STX1A: variants seen among roughly 807,000 people sequenced by gnomAD.
STX1A encodes the protein syntaxin 1A.
In STX1A, 4 loss-of-function variants were observed where a neutral mutation model predicts 37.8. That is an observed-to-expected ratio of 0.11 (90% CI 0.05 to 0.24). The LOEUF is 0.24. Among genes scored for constraint, STX1A ranks in the 10% least tolerant of loss-of-function variants. The probability of loss-of-function intolerance (pLI) is 1.00; values close to 1 mark genes in which losing one functional copy is unlikely to be tolerated. For synonymous variants in STX1A, 135 were observed against 147.4 expected (o/e 0.92, Z 0.61); for missense variants, 251 against 399.9 (o/e 0.63, Z 3.18).
intron 3 of STX1A, 62 bp downstream of exon 3, chr7:73,708,527 G>A (rs949287373): frequency 1.8e-4 from 270 of 1,518,026 alleles, no homozygotes; most frequent in Non-Finnish European, 1.9e-4. Flanking sequence ...AGGCCTCCCT[G>A]GCAGCAGCCC....
rs938670401 is a variant in STX1A, at chr7:73,700,205, G to C, written c.*202C>G. On this transcript the variant is annotated 3_prime_UTR_variant, in exon 10 of 10. Coordinates refer to ENST00000222812, the MANE Select transcript of STX1A (RefSeq NM_004603.4). This position sits in a 1 kb window ranked among gnomAD's most constrained non-coding sequence, Gnocchi z 4.4. Reference sequence around the variant, plus strand: ...TGGCTGCCTCCCTCTGCCTCTTCCCGTACAGACGCACACTCACAGAGATCA... The same window carrying C: ...TGGCTGCCTCCCTCTGCCTCTTCCCCTACAGACGCACACTCACAGAGATCA... 4.8e-6 allele frequency: 3 copies of C among 620,620 alleles called. No individual in the cohort carries two copies. Among genetic ancestry groups the C allele is most frequent in the African/African-American group, 3.7e-5 (2 of 54,550 alleles). The allele number at this position is 620,620 out of a possible 1,614,324, so 38.4% of individuals were successfully genotyped here.
At position 73,700,891 on chromosome 7, in the gene STX1A, G is replaced by C. The variant is rs1333932471; in HGVS notation, c.679-51C>G. 2.5e-6 allele frequency: 4 copies of C among 1,606,998 alleles called. No homozygotes were observed. The highest frequency in any genetic ancestry group is 2.2e-5 in the East Asian group (1 of 44,842). On this transcript the variant is annotated intron_variant, in intron 8 of 9. Transcript: ENST00000222812. The surrounding 1 kb of genome is among the most constrained non-coding windows in gnomAD (Gnocchi z 4.4). Reference sequence around the variant, plus strand: ...CCAGAGGGCCCCCTCCTCAGGGTTGGGTTGGGGCTCGGGGCAGGACTTCAG... The same window carrying C: ...CCAGAGGGCCCCCTCCTCAGGGTTGCGTTGGGGCTCGGGGCAGGACTTCAG...
At chr7:73,707,884 G>A (rs1489101836) in intron 3 of STX1A, among the ~76,000 whole-genome samples, 35 of 149,656 alleles carry the variant, frequency 2.3e-4, no homozygotes, top group Non-Finnish European at 1.5e-5. Context: ...GCAGTGAGCC[G>A]AGATGGCACC....
intron 3 of STX1A, among the ~76,000 whole-genome samples, chr7:73,707,832 G>GC (rs1322811320): frequency 6.6e-6 from 1 of 151,794 alleles, no homozygotes; most frequent in Non-Finnish European, 1.5e-5. Context: ...CTACTTGGGA[G>GC]GCTGACGTAG....
rs946893140 is a variant in STX1A at position 73,705,386 on chromosome 7, A to T, written c.209-162T>A. 1.6e-6 allele frequency: 1 copy of T among 616,896 alleles called. No homozygotes were observed. Among genetic ancestry groups the T allele is most frequent in the South Asian group, 1.9e-5 (1 of 53,900 alleles). 38.2% of individuals were successfully genotyped at this position (616,896 alleles called of 1,614,324 possible). ...TCTGCCTGCCCGCCCCCCTCCCCCA[A>T]TTCTGGGCCAGGGCTGCACCAGCTG... On this transcript the variant is annotated intron_variant, in intron 3 of 9. Coordinates refer to ENST00000222812, the MANE Select transcript of STX1A (RefSeq NM_004603.4). This position sits in a 1 kb window ranked among gnomAD's most constrained non-coding sequence, Gnocchi z 5.2.
intron 8 of STX1A, chr7:73,701,065 G>GGCCA: frequency 1.2e-6 from 1 of 811,136 alleles, no homozygotes; most frequent in Middle Eastern, 3.7e-4. Flanking sequence ...CAGCAATCCT[G>GGCCA]GGGGTGGAGC....
rs140627906 is a variant in STX1A at position 73,705,193 on chromosome 7, G to A, written c.240C>T (p.Ser80=). ...CTTTGTTTGCTGTCTTCTTTATGTC[G>A]GACATGAGTTCTTCCAGCTCCTCCT... ...KTKEELEELM[S]DIKKTANKVR... is the part of the protein sequence containing the mutation. Residue 80 remains serine, a synonymous_variant, in exon 4 of 10, where the codon TCC becomes TCT. Coordinates refer to ENST00000222812, the MANE Select transcript of STX1A (RefSeq NM_004603.4). The surrounding 1 kb of genome is among the most constrained non-coding windows in gnomAD (Gnocchi z 5.2). 3.5e-5 allele frequency: 57 copies of A among 1,613,814 alleles called. No homozygotes were observed. Among genetic ancestry groups the A allele is most frequent in the African/African-American group, 1.1e-4 (8 of 74,838 alleles).
At position 73,700,734 on chromosome 7, in the gene STX1A, C is replaced by T. The variant is rs202064998; in HGVS notation, c.785G>A (p.Arg262His). ...KKAVKYQSKA[R>H]RKKIMIIICC... ...GGGCAGGGCTGGGCTACTGACCCGG[C>T]GCGCCTTGCTCTGGTACTTGACGGC... Residue 262 changes from arginine (R) to histidine (H), a missense_variant, in exon 9 of 10, where the codon CGC becomes CAC. Coordinates refer to ENST00000222812, the MANE Select transcript of STX1A (RefSeq NM_004603.4). The surrounding 1 kb of genome is among the most constrained non-coding windows in gnomAD (Gnocchi z 4.4). 7.4e-6 allele frequency: 12 copies of T among 1,613,510 alleles called. No homozygotes were observed. Among genetic ancestry groups the T allele is most frequent in the Admixed American group, 1.7e-5 (1 of 59,970 alleles).
chr7:73,703,435 G>A (rs79711919), intron 7 of STX1A: 23,848 of 612,572 alleles, frequency 0.039, 1,409 homozygotes, highest in East Asian at 0.26. Context: ...ACCCCTGCCC[G>A]GCTTCACGTG....
At chr7:73,710,935 G>C (rs1166869256) in intron 1 of STX1A, among the ~76,000 whole-genome samples, 1 of 152,170 alleles carries the variant, frequency 6.6e-6, no homozygotes, top group African/African-American at 2.4e-5. Flanking sequence ...TGCATGGAGG[G>C]AGGGCTGAGA....
In STX1A at chr7:73,714,287, T is replaced by C. The variant is rs1316970664; in HGVS notation, c.31-5165A>G. On this transcript the variant is annotated intron_variant, in intron 1 of 9. Coordinates refer to ENST00000222812, the MANE Select transcript of STX1A (RefSeq NM_004603.4). ...CACACCCGGCTAGTTTTTGTATTTT[T>C]AGTAGAGACGGGGTTTCACCATGTT... is the stretch of plus-strand genomic sequence containing the variant. Among the ~76,000 whole-genome samples the C allele has an allele frequency of 2.6e-5, 4 of 152,204 alleles. No individual in the cohort carries two copies. In the East Asian group the frequency reaches 5.8e-4, roughly 22 times the overall value.
At chr7:73,715,279 G>A (rs1333641529) in intron 1 of STX1A, among the ~76,000 whole-genome samples, 6 of 151,904 alleles carry the variant, frequency 3.9e-5, no homozygotes, top group East Asian at 3.9e-4. Context: ...AAAATTAGCC[G>A]GGCATGGTGA....
intron 7 of STX1A, 33 bp from the exon 8 acceptor site, chr7:73,703,015 G>T: frequency 6.4e-7 from 1 of 1,554,090 alleles, no homozygotes; most frequent in South Asian, 1.2e-5. Flanking sequence ...GGGACCCAGA[G>T]GCTTGCTGAG....
At chr7:73,711,281 A>G (rs1199825897) in intron 1 of STX1A, 1 of 152,264 alleles carries the variant, frequency 6.6e-6, no homozygotes, top group Non-Finnish European at 1.5e-5. Flanking sequence ...TGCTGGGAGT[A>G]TAGGTGTGAG....
In STX1A at chr7:73,705,316, G is replaced by C; in HGVS notation, c.209-92C>G. ...CTCCAGCCCAGGGGGCCCAGTGGGAGGCTCTGGGAAGATCCCTGTTCTCCC... is the reference window on the plus strand; with the variant it reads ...CTCCAGCCCAGGGGGCCCAGTGGGACGCTCTGGGAAGATCCCTGTTCTCCC... On this transcript the variant is annotated intron_variant, in intron 3 of 9. Transcript: ENST00000222812. The surrounding 1 kb of genome is among the most constrained non-coding windows in gnomAD (Gnocchi z 5.2). 1 of 1,069,350 alleles carries C rather than the reference G, an allele frequency of 9.4e-7. No individual in the cohort carries two copies. Among genetic ancestry groups the C allele is most frequent in the South Asian group, 1.3e-5 (1 of 79,770 alleles). 66.2% of individuals were successfully genotyped at this position (1,069,350 alleles called of 1,614,324 possible). A position where few individuals can be genotyped will look rare whatever the true frequency, so the allele number is the denominator to read the frequency against.
At chr7:73,701,888 C>T (rs1303410220) in intron 8 of STX1A, among the ~76,000 whole-genome samples, 6 of 152,206 alleles carry the variant, frequency 3.9e-5, no homozygotes, top group African/African-American at 1.4e-4. Context: ...CCAGGAGTTC[C>T]GAGACCAGCC....
intron 3 of STX1A, 140 bp downstream of exon 3, chr7:73,708,449 C>T: frequency 1.3e-6 from 1 of 748,652 alleles, no homozygotes; most frequent in South Asian, 1.8e-5. Flanking sequence ...TCTCGTGAAA[C>T]CCTCCCGACC....
chr7:73,714,135 G>C (rs1190732926), intron 1 of STX1A, among the ~76,000 whole-genome samples: 3 of 149,762 alleles, frequency 2.0e-5, no homozygotes, highest in Non-Finnish European at 4.4e-5. Context: ...TTGAGGCAGA[G>C]TCTCGCTCTG....
intron 1 of STX1A, among the ~76,000 whole-genome samples, chr7:73,714,237 T>C (rs1421666494): frequency 6.6e-6 from 1 of 151,958 alleles, no homozygotes; most frequent in Non-Finnish European, 1.5e-5. Flanking sequence ...GCCTCCCGAG[T>C]AGCTGGGATT....
Sources: gnomAD v4.1 joint callset for allele counts (sites outside exome capture counted in the v4.1 genomes callset) on GRCh38, gnomAD v4.1.1 for gene constraint, Gnocchi (gnomAD v3.1) non-coding constraint, MANE v1.5 for transcripts, NCBI Gene and HGNC (gene_info 2026-07-23, HGNC 2026-07-21) for gene names.